SLC15A1: variants seen among roughly 807,000 people sequenced by gnomAD.
SLC15A1 encodes the protein solute carrier family 15 member 1, also known as Caco-2 oligopeptide transporter.
SLC15A1 carries 83 observed loss-of-function variants against 92.9 expected under a neutral mutation model. That is an observed-to-expected ratio of 0.89 (90% CI 0.75 to 1.07). The LOEUF is 1.07. Among genes scored for constraint, SLC15A1 ranks in the 50% least tolerant of loss-of-function variants. The probability of loss-of-function intolerance (pLI) is 0.00; values close to 1 mark genes in which losing one functional copy is unlikely to be tolerated. For synonymous variants in SLC15A1, 322 were observed against 318.2 expected, an observed-to-expected ratio of 1.01 and a Z score of -0.13; for missense variants, 857 against 880.1, an observed-to-expected ratio of 0.97 and a Z score of 0.33.
At position 98,711,921 on chromosome 13, in the gene SLC15A1, T is replaced by C; in HGVS notation, c.833A>G (p.Lys278Arg). 6.2e-7 allele frequency: 1 copy of C among 1,612,872 alleles called. No individual in the cohort carries two copies. Among genetic ancestry groups the C allele is most frequent in the East Asian group, 2.2e-5 (1 of 44,874 alleles). Residue 278 changes from lysine (K) to arginine (R), a missense_variant, in exon 11 of 23, where the codon AAG (lysine) becomes AGG (arginine). By Grantham distance (26) the Lys-to-Arg change is conservative (BLOSUM62 2). Coordinates refer to ENST00000376503, the MANE Select transcript of SLC15A1 (RefSeq NM_005073.4). ...CAGGAACATCACCCTCGTAACCATC[T>C]TAATTTGGGAGATGAGCCGCTCCTG... is the stretch of plus-strand genomic sequence containing the variant. Reference protein sequence around the residue: ...KYDERLISQIKMVTRVMFLYI... With the variant: ...KYDERLISQIRMVTRVMFLYI...
chr13:98,708,708 G>A lies in SLC15A1; in HGVS notation c.1127C>T (p.Ala376Val). ...CACATCGATTTCCACCTGCACGATGGCAGCCACCACAAAGGCCATGGAGGC... is the reference window on the plus strand; with the variant it reads ...CACATCGATTTCCACCTGCACGATGACAGCCACCACAAAGGCCATGGAGGC... ...VLASMAFVVA[A>V]IVQVEIDKTL... is the part of the protein sequence containing the mutation. The change falls in exon 15 of 23, where the codon GCC (alanine) becomes GTC (valine). Residue 376 changes from alanine to valine, a missense_variant. By Grantham distance (64) the Ala-to-Val change is moderately conservative. Transcript: ENST00000376503. 6.2e-7 allele frequency: 1 copy of A among 1,613,268 alleles called. No individual in the cohort carries two copies.
At chr13:98,727,160 C>A (rs578194337) in intron 1 of SLC15A1, among the ~76,000 whole-genome samples, 1 of 152,216 alleles carries the variant, frequency 6.6e-6, no homozygotes, top group Non-Finnish European at 1.5e-5. Flanking sequence ...GGCCGCCCAT[C>A]GGGATAAAAT....
At chr13:98,705,275 T>C (rs990384104) in intron 16 of SLC15A1, among the ~76,000 whole-genome samples, 2 of 151,400 alleles carry the variant, frequency 1.3e-5, no homozygotes, top group African/African-American at 4.9e-5. Context: ...TCCGGGTGAT[T>C]CTGACATGGG....
At chr13:98,686,949 CTTT>C (rs11309992) in intron 21 of SLC15A1, among the ~76,000 whole-genome samples, 5 of 131,282 alleles carry the variant, frequency 3.8e-5, no homozygotes, top group East Asian at 2.2e-4. Context: ...TCTTTTTCTT[CTTT>C]TTTTTTTTTT....
chr13:98,744,748 CAAAAAA>C (rs5806073), intron 1 of SLC15A1, among the ~76,000 whole-genome samples: 4 of 82,384 alleles, frequency 4.9e-5, no homozygotes, highest in Non-Finnish European at 6.9e-5. Flanking sequence ...GATTCCATCT[CAAAAAA>C]AAAAAAAAAA....
intron 1 of SLC15A1, among the ~76,000 whole-genome samples, chr13:98,728,522 G>A (rs1273603282): frequency 1.3e-5 from 2 of 152,136 alleles, no homozygotes; most frequent in Non-Finnish European, 2.9e-5. Flanking sequence ...TCTCATGGAG[G>A]TAGTAGTGGG....
Position 98,723,819 on chromosome 13 carries a change from C to G in SLC15A1, c.365+93G>C, listed in dbSNP as rs543365955. The G allele has an allele frequency of 4.5e-6, 7 of 1,562,112 alleles. No individual in the cohort carries two copies. In the South Asian group the frequency reaches 6.0e-5, roughly 13 times the overall value. ...GGGGGAGGAAAAACCTCCTTATGCTCTCAGTGAAGTTCAAGGAAAAAGACG... is the reference window on the plus strand; with the variant it reads ...GGGGGAGGAAAAACCTCCTTATGCTGTCAGTGAAGTTCAAGGAAAAAGACG... On this transcript the variant is annotated intron_variant, in intron 5 of 22. Coordinates refer to ENST00000376503, the MANE Select transcript of SLC15A1 (RefSeq NM_005073.4).
At chr13:98,716,598 G>A (rs1214582462) in intron 8 of SLC15A1, among the ~76,000 whole-genome samples, 5 of 151,826 alleles carry the variant, frequency 3.3e-5, no homozygotes, top group Admixed American at 2.6e-4. Flanking sequence ...CTCCAGTCTC[G>A]GTGACAGAGT....
intron 2 of SLC15A1, 194 bp downstream of exon 2, chr13:98,726,649 C>A: frequency 1.3e-6 from 1 of 741,172 alleles, no homozygotes. Flanking sequence ...AATAAAGCAT[C>A]CAGTGGTATT....
chr13:98,706,239 G>T lies in SLC15A1; in HGVS notation c.1164C>A (p.Val388=). The change falls in exon 16 of 23, where the codon GTC becomes GTA. Residue 388 remains valine (V), a synonymous_variant. Coordinates refer to ENST00000376503, the MANE Select transcript of SLC15A1 (RefSeq NM_005073.4). The stretch of plus-strand genomic sequence containing the variant: ...TTTGGACTTCGTTTCCTTTGGGGAA[G>T]ACTGGAAGAGTTTTCTGAGCAAAAT... ...VQVEIDKTLP[V]FPKGNEVQIK... 6.2e-7 allele frequency: 1 copy of T among 1,612,246 alleles called. No homozygotes were observed. Among genetic ancestry groups the T allele is most frequent in the Non-Finnish European group, 8.5e-7 (1 of 1,179,492 alleles).
chr13:98,689,067 G>A (rs1284044597), intron 18 of SLC15A1, among the ~76,000 whole-genome samples: 6 of 152,224 alleles, frequency 3.9e-5, no homozygotes, highest in South Asian at 2.1e-4. Flanking sequence ...AGCCTCCCGC[G>A]TAGTTGGGAC....
At position 98,684,545 on chromosome 13, in the gene SLC15A1, C is replaced by CAAAAAAAAAAAAAAAAAAAAAACAAAA. The variant is rs2087914304; in HGVS notation, c.*178_*179insTTTTGTTTTTTTTTTTTTTTTTTTTTT. The CAAAAAAAAAAAAAAAAAAAAAACAAAA allele has an allele frequency of 5.5e-6, 1 of 180,642 alleles. No individual in the cohort carries two copies. The highest frequency in any genetic ancestry group is 9.5e-6 in the Non-Finnish European group (1 of 104,872). The allele number at this position is 180,642 out of a possible 1,614,324, so 11.2% of individuals were successfully genotyped here. Reference sequence around the variant, plus strand: ...GGACAACAAGAGCAAAACTCTGTCTCAAAAAAAAAAAAAAAAAAAAAAAGA... The same window carrying CAAAAAAAAAAAAAAAAAAAAAACAAAA: ...GGACAACAAGAGCAAAACTCTGTCTCAAAAAAAAAAAAAAAAAAAAAACAAAAAAAAAAAAAAAAAAAAAAAAAAAGA... On this transcript the variant is annotated 3_prime_UTR_variant, in exon 23 of 23. Transcript: ENST00000376503.
chr13:98,748,522 T>C (rs1029718842), intron 1 of SLC15A1, among the ~76,000 whole-genome samples: 1 of 152,186 alleles, frequency 6.6e-6, no homozygotes, highest in South Asian at 2.1e-4. Flanking sequence ...TTCAAACTCC[T>C]GAGCTCAAAT....
At chr13:98,704,920 T>C (rs1365466220) in intron 16 of SLC15A1, among the ~76,000 whole-genome samples, 2 of 151,990 alleles carry the variant, frequency 1.3e-5, no homozygotes, top group Non-Finnish European at 2.9e-5. Flanking sequence ...GGGCTAGGGC[T>C]GGGCGCGGTG....
intron 11 of SLC15A1, 70 bp from the exon 12 acceptor site, chr13:98,709,981 A>T: frequency 2.8e-6 from 4 of 1,437,456 alleles, no homozygotes; most frequent in Non-Finnish European, 3.9e-6. Context: ...GTCAATGGTG[A>T]GTCTTTTCCA....
chr13:98,698,637 A>G (rs1387513333), intron 18 of SLC15A1, among the ~76,000 whole-genome samples: 1 of 152,146 alleles, frequency 6.6e-6, no homozygotes, highest in African/African-American at 2.4e-5. Flanking sequence ...GGGTTTCACC[A>G]TGTTGACCAG....
intron 9 of SLC15A1, among the ~76,000 whole-genome samples, chr13:98,712,826 G>A (rs2088175065): frequency 6.6e-6 from 1 of 152,184 alleles, no homozygotes; most frequent in African/African-American, 2.4e-5. Context: ...CTCTAGAGAA[G>A]CACGCCCAAT....
chr13:98,685,018 A>C (rs950347386), intron 22 of SLC15A1, 103 bp from the exon 23 acceptor site: 2 of 1,039,938 alleles, frequency 1.9e-6, no homozygotes, highest in East Asian at 5.2e-5. Context: ...GCAGATGGAG[A>C]GTGCTTTGAA....
At chr13:98,746,063 G>A (rs539028598) in intron 1 of SLC15A1, among the ~76,000 whole-genome samples, 1 of 152,146 alleles carries the variant, frequency 6.6e-6, no homozygotes, top group African/African-American at 2.4e-5. Flanking sequence ...AGTATGTGTT[G>A]TTCCCCTCTG....
Sources: gnomAD v4.1 joint callset for allele counts (sites outside exome capture counted in the v4.1 genomes callset) on GRCh38, gnomAD v4.1.1 for gene constraint, MANE v1.5 for transcripts, NCBI Gene and HGNC (gene_info 2026-07-23, HGNC 2026-07-21) for gene names.